CNOT7: variants seen among roughly 807,000 people sequenced by gnomAD.
The protein encoded by CNOT7 is CCR4-NOT transcription complex subunit 7.
Under a neutral mutation model 37.1 loss-of-function variants are expected in CNOT7, and 4 were observed. That is an observed-to-expected ratio of 0.11 (90% CI 0.05 to 0.25). CNOT7 has a LOEUF of 0.25. Among genes scored for constraint, CNOT7 ranks in the 10% least tolerant of loss-of-function variants. The probability of loss-of-function intolerance (pLI) is 1.00; values close to 1 mark genes in which losing one functional copy is unlikely to be tolerated. For missense variants in CNOT7, 170 were observed against 336.2 expected, an observed-to-expected ratio of 0.51 and a Z score of 3.87; for synonymous variants, 128 against 115.6, an observed-to-expected ratio of 1.11 and a Z score of -0.69.
At position 17,227,915 on chromosome 8, in the gene CNOT7, A is replaced by G. The variant is rs1387821157; in HGVS notation, c.*2805T>C. ...AGGGCATTCCAAATGCTTTCAGGTA[A>G]TATCTGCATCACCATGATTCTGTAG... On this transcript the variant is annotated 3_prime_UTR_variant, in exon 7 of 7. Coordinates refer to ENST00000361272, the MANE Select transcript of CNOT7 (RefSeq NM_013354.7). The G allele has an allele frequency of 2.0e-5, 3 of 151,920 alleles. No individual in the cohort carries two copies. The highest frequency in any genetic ancestry group is 4.4e-5 in the Non-Finnish European group (3 of 67,808). 9.4% of individuals were successfully genotyped at this position (151,920 alleles called of 1,614,324 possible).
chr8:17,239,480 T>C (rs1809844881), intron 3 of CNOT7, among the ~76,000 whole-genome samples: 1 of 152,170 alleles, frequency 6.6e-6, no homozygotes, highest in Non-Finnish European at 1.5e-5. Context: ...TCCTATTGAA[T>C]TACTGCAATC....
intron 5 of CNOT7, among the ~76,000 whole-genome samples, chr8:17,233,228 G>T (rs994839830): frequency 6.6e-6 from 1 of 152,184 alleles, no homozygotes; most frequent in African/African-American, 2.4e-5. Flanking sequence ...AGTAGAGCGT[G>T]AAGGAAAGAA....
chr8:17,241,458 G>C (rs964851869), intron 3 of CNOT7: 5 of 151,982 alleles, frequency 3.3e-5, no homozygotes, highest in African/African-American at 1.2e-4. Context: ...TATACCACAG[G>C]CATCATTACT....
chr8:17,238,501 A>G (rs1035874627), intron 3 of CNOT7, among the ~76,000 whole-genome samples: 2 of 149,846 alleles, frequency 1.3e-5, no homozygotes, highest in African/African-American at 4.9e-5. Context: ...AACCCAATGA[A>G]GTAGTTTCTT....
intron 5 of CNOT7, 133 bp from the exon 6 acceptor site, chr8:17,232,670 G>T: frequency 1.4e-6 from 1 of 701,666 alleles, no homozygotes; most frequent in East Asian, 2.6e-5. Context: ...AAAGATTGGG[G>T]GGAAGAAACA....
intron 3 of CNOT7, among the ~76,000 whole-genome samples, chr8:17,239,355 G>T (rs1390712823): frequency 1.3e-5 from 2 of 152,116 alleles, no homozygotes; most frequent in Non-Finnish European, 2.9e-5. Flanking sequence ...ACTGCATCCA[G>T]CCTTCCTTCT....
intron 2 of CNOT7, chr8:17,243,512 G>A (rs1439676723): frequency 4.1e-6 from 2 of 491,922 alleles, no homozygotes; most frequent in Admixed American, 4.6e-5. Flanking sequence ...GATGCTCACA[G>A]TATTCCAATG....
intron 3 of CNOT7, chr8:17,241,724 T>A (rs1308503373): frequency 1.3e-5 from 2 of 152,182 alleles, no homozygotes; most frequent in Non-Finnish European, 2.9e-5. Context: ...ATTGCAACTT[T>A]AAGCCAAAAG....
chr8:17,237,200 T>C lies in CNOT7; in HGVS notation c.473+12A>G, dbSNP rs768003065. The C allele has an allele frequency of 1.7e-5, 27 of 1,611,908 alleles. No individual in the cohort carries two copies. Among genetic ancestry groups the C allele is most frequent in the Non-Finnish European group, 1.8e-5 (21 of 1,178,876 alleles). On this transcript the variant is annotated intron_variant, in intron 4 of 6. Coordinates refer to ENST00000361272, the MANE Select transcript of CNOT7 (RefSeq NM_013354.7). ...GGAAAAACAAATGCCATTTTCAATG[T>C]AGTCGTTTTACCTATGAAATGACAA...
At chr8:17,232,369 A>AT in intron 6 of CNOT7, 58 bp downstream of exon 6, 3 of 1,611,014 alleles carry the variant, frequency 1.9e-6, no homozygotes, top group Non-Finnish European at 1.7e-6. Context: ...TGGCCACAAG[A>AT]TTTTTAATGT....
At chr8:17,232,637 T>A in intron 5 of CNOT7, 100 bp from the exon 6 acceptor site, 1 of 989,692 alleles carries the variant, frequency 1.0e-6, no homozygotes. Context: ...AAATAAACTT[T>A]AGTATGTAAA....
At position 17,245,080 on chromosome 8, in the gene CNOT7, T is replaced by C. The variant is rs1487779225; in HGVS notation, c.73A>G (p.Lys25Glu). 1 of 1,613,788 alleles carries C rather than the reference T, an allele frequency of 6.2e-7. No individual in the cohort carries two copies. Among genetic ancestry groups the C allele is most frequent in the Non-Finnish European group, 8.5e-7 (1 of 1,179,834 alleles). ...TTTCGGATAACTTGACGAATTTTCT[T>C]CATCTCTTCATCCAAGTTGCAAGCC... ...VWACNLDEEM[K>E]KIRQVIRKYN... The change falls in exon 2 of 7, where the codon AAG (lysine) becomes GAG (glutamate). Residue 25 changes from lysine to glutamate, a missense_variant. Physicochemically the swap from Lys to Glu is moderately conservative, Grantham distance 56. Coordinates refer to ENST00000361272, the MANE Select transcript of CNOT7 (RefSeq NM_013354.7).
Position 17,230,530 on chromosome 8 carries a change from GTTTT to G in CNOT7, c.*186_*189del, listed in dbSNP as rs71543685. 2.4e-4 allele frequency: 78 copies of G among 330,394 alleles called. No individual in the cohort carries two copies. Among genetic ancestry groups the G allele is most frequent in the Non-Finnish European group, 3.6e-4 (67 of 184,302 alleles). The allele number at this position is 330,394 out of a possible 1,614,324, so 20.5% of individuals were successfully genotyped here. A position where few individuals can be genotyped will look rare whatever the true frequency, so the allele number is the denominator to read the frequency against. ...TTAAGGCCAAATTTAACCTGAATGC[GTTTT>G]TTTTTTTCTTTTTATTAAGATCTGA... On this transcript the variant is annotated 3_prime_UTR_variant, in exon 7 of 7. Coordinates refer to ENST00000361272, the MANE Select transcript of CNOT7 (RefSeq NM_013354.7).
chr8:17,234,912 A>T (rs1201493186), intron 4 of CNOT7, 52 bp from the exon 5 acceptor site: 2 of 1,516,560 alleles, frequency 1.3e-6, no homozygotes, highest in Non-Finnish European at 1.8e-6. Context: ...TACTATAAAG[A>T]TTAAAAAAAA....
In CNOT7 at chr8:17,229,284, C is replaced by A. The variant is rs1187329224; in HGVS notation, c.*1436G>T. 6.6e-6 allele frequency: 1 copy of A among 151,794 alleles called. No individual in the cohort carries two copies. The highest frequency in any genetic ancestry group is 1.5e-5 in the Non-Finnish European group (1 of 67,802). 9.4% of individuals were successfully genotyped at this position (151,794 alleles called of 1,614,324 possible). The stretch of plus-strand genomic sequence containing the variant: ...ACAAAAGCTTTAAAAACAAATAATA[C>A]CCTCTGTTTTGCAAATAATGTTTTG... On this transcript the variant is annotated 3_prime_UTR_variant, in exon 7 of 7. Transcript: ENST00000361272.
chr8:17,237,966 A>G (rs908506359), intron 3 of CNOT7, among the ~76,000 whole-genome samples: 10 of 152,264 alleles, frequency 6.6e-5, no homozygotes, highest in South Asian at 4.1e-4. Context: ...TGTAATAGCA[A>G]TAATTTCTTC....
chr8:17,226,680 G>A lies in CNOT7; in HGVS notation c.*4040C>T, dbSNP rs546164627. 1.7e-4 allele frequency: 26 copies of A among 151,862 alleles called. No homozygotes were observed. Among genetic ancestry groups the A allele is most frequent in the Non-Finnish European group, 3.4e-4 (23 of 67,716 alleles). 9.4% of individuals were successfully genotyped at this position (151,862 alleles called of 1,614,324 possible). The stretch of plus-strand genomic sequence containing the variant: ...CACTAAAAATGGATTTGGCAATACA[G>A]CGCTGTTTTGACTTCTCATAGCACA... On this transcript the variant is annotated 3_prime_UTR_variant, in exon 7 of 7. Transcript: ENST00000361272.
intron 6 of CNOT7, among the ~76,000 whole-genome samples, chr8:17,231,187 GA>G (rs1353411167): frequency 4.6e-5 from 7 of 152,056 alleles, no homozygotes; most frequent in African/African-American, 9.6e-5. Context: ...GATGGTGGGG[GA>G]AAAAAAGTTT....
chr8:17,242,736 G>A (rs911901422), intron 3 of CNOT7: 13 of 297,562 alleles, frequency 4.4e-5, no homozygotes, highest in African/African-American at 2.0e-4. Flanking sequence ...TCTATCAGAA[G>A]TACTTTCAAT....
Sources: gnomAD v4.1 joint callset for allele counts (sites outside exome capture counted in the v4.1 genomes callset) on GRCh38, gnomAD v4.1.1 for gene constraint, MANE v1.5 for transcripts, NCBI Gene and HGNC (gene_info 2026-07-23, HGNC 2026-07-21) for gene names.